TMPRSS15: variants seen among roughly 807,000 people sequenced by gnomAD.
The protein encoded by TMPRSS15 is transmembrane serine protease 15.
In TMPRSS15, 128 loss-of-function variants were observed where a neutral mutation model predicts 125.3. The observed-to-expected ratio is 1.02, with a 90% CI of 0.89 to 1.18. The LOEUF (loss-of-function observed/expected upper bound fraction) is 1.18. TMPRSS15 is among the 50% of genes most tolerant of loss of function. The pLI, the probability that TMPRSS15 is intolerant of heterozygous loss-of-function variation, is 0.00. For synonymous variants in TMPRSS15, 446 were observed against 423.2 expected (o/e 1.05, Z -0.66); for missense variants, 1,283 against 1,212.7 (o/e 1.06, Z -0.86).
intron 18 of TMPRSS15, among the ~76,000 whole-genome samples, chr21:18,305,259 G>C (rs577023298): frequency 1.5e-5 from 2 of 136,212 alleles, no homozygotes; most frequent in South Asian, 4.5e-4. Context: ...CGCGATCTCG[G>C]CTCACTGCAA....
intron 15 of TMPRSS15, 125 bp downstream of exon 15, chr21:18,329,044 C>G: frequency 9.3e-7 from 1 of 1,080,456 alleles, no homozygotes; most frequent in South Asian, 1.3e-5. Context: ...ACTCATGTCA[C>G]TTTACTATTG....
chr21:18,365,664 T>TTCCTTCCTTCCCTCCC (rs2075726946), intron 6 of TMPRSS15, among the ~76,000 whole-genome samples: 1 of 129,420 alleles, frequency 7.7e-6, no homozygotes, highest in African/African-American at 3.1e-5. Flanking sequence ...CCTTCCTTCC[T>TTCCTTCCTTCCCTCCC]TCCTTCCTTC....
intron 21 of TMPRSS15, among the ~76,000 whole-genome samples, chr21:18,291,087 C>G (rs1601281793): frequency 6.6e-6 from 1 of 152,216 alleles, no homozygotes; most frequent in African/African-American, 2.4e-5. Flanking sequence ...CATTTTATTG[C>G]ACATTCTTGC....
intron 18 of TMPRSS15, among the ~76,000 whole-genome samples, chr21:18,301,820 T>G (rs2074976530): frequency 6.6e-6 from 1 of 152,190 alleles, no homozygotes; most frequent in Non-Finnish European, 1.5e-5. Context: ...ATAGGTTATA[T>G]AACCTCAAAG....
chr21:18,452,476 C>A (rs984126832), intron 1 of TMPRSS15, among the ~76,000 whole-genome samples: 6 of 152,120 alleles, frequency 3.9e-5, no homozygotes, highest in Non-Finnish European at 5.9e-5. Flanking sequence ...CCAGCCTACG[C>A]AACATGGCGA....
chr21:18,365,663 C>CTTCCTTCCTTCCT (rs1555904802), intron 6 of TMPRSS15, among the ~76,000 whole-genome samples: 2 of 118,716 alleles, frequency 1.7e-5, no homozygotes, highest in Non-Finnish European at 3.4e-5. Context: ...TCCTTCCTTC[C>CTTCCTTCCTTCCT]TTCCTTCCTT....
chr21:18,422,033 G>GA (rs1424599616), intron 1 of TMPRSS15, among the ~76,000 whole-genome samples: 1 of 150,608 alleles, frequency 6.6e-6, no homozygotes, highest in Non-Finnish European at 1.5e-5. Flanking sequence ...ACCCAGGCTG[G>GA]AGTGCAGTGG....
At chr21:18,384,959 C>T (rs2075929696) in intron 3 of TMPRSS15, among the ~76,000 whole-genome samples, 1 of 152,110 alleles carries the variant, frequency 6.6e-6, no homozygotes, top group South Asian at 2.1e-4. Context: ...TGAAAGATCA[C>T]AGTAGATCAG....
At position 18,399,992 on chromosome 21, in the gene TMPRSS15, A is replaced by G. The variant is rs149387714; in HGVS notation, c.146-1663T>C. Among the ~76,000 whole-genome samples the G allele has an allele frequency of 7.3e-3, 1,115 of 152,226 alleles. 4 individuals carry two copies. Among genetic ancestry groups the G allele is most frequent in the Non-Finnish European group, 0.01 (705 of 67,964 alleles). On this transcript the variant is annotated intron_variant, in intron 1 of 24. Coordinates refer to ENST00000284885, the MANE Select transcript of TMPRSS15 (RefSeq NM_002772.3). ...ATCCCATTGTCAATAGCCATACAAAAGATAAAATACTTAGGAATATCTCTC... is the reference window on the plus strand; with the variant it reads ...ATCCCATTGTCAATAGCCATACAAAGGATAAAATACTTAGGAATATCTCTC...
intron 8 of TMPRSS15, among the ~76,000 whole-genome samples, chr21:18,359,548 G>A (rs1346045535): frequency 6.8e-6 from 1 of 146,240 alleles, no homozygotes; most frequent in Non-Finnish European, 1.5e-5. Flanking sequence ...AATTAGGAGA[G>A]GACAATGTTA....
At chr21:18,335,524 C>A (rs563833075) in intron 13 of TMPRSS15, among the ~76,000 whole-genome samples, 2 of 152,320 alleles carry the variant, frequency 1.3e-5, no homozygotes, top group South Asian at 4.1e-4. Context: ...TCAAGGCAGG[C>A]AGTTTACTTA....
intron 1 of TMPRSS15, among the ~76,000 whole-genome samples, chr21:18,463,608 A>T (rs1274117698): frequency 6.6e-6 from 1 of 152,160 alleles, no homozygotes; most frequent in African/African-American, 2.4e-5. Flanking sequence ...CCTAATAGAC[A>T]TCTACAGAAC....
chr21:18,311,965 TA>T (rs930673506), intron 18 of TMPRSS15, among the ~76,000 whole-genome samples: 5 of 152,180 alleles, frequency 3.3e-5, no homozygotes, highest in African/African-American at 9.6e-5. Flanking sequence ...CACTGCTTTT[TA>T]AAGACAAGGA....
chr21:18,324,944 T>C (rs2075274364), intron 16 of TMPRSS15, among the ~76,000 whole-genome samples: 1 of 152,166 alleles, frequency 6.6e-6, no homozygotes, highest in Non-Finnish European at 1.5e-5. Context: ...ATGGTTATAG[T>C]ATAATCATCA....
chr21:18,478,681 T>C (rs1325243008), intron 1 of TMPRSS15, among the ~76,000 whole-genome samples: 1 of 151,980 alleles, frequency 6.6e-6, no homozygotes, highest in Non-Finnish European at 1.5e-5. Flanking sequence ...GCTTGTTTCC[T>C]TGTCATCAGA....
chr21:18,397,281 A>AT (rs1036627618), intron 3 of TMPRSS15, among the ~76,000 whole-genome samples: 12 of 151,856 alleles, frequency 7.9e-5, no homozygotes, highest in East Asian at 3.8e-4. Flanking sequence ...ACACAGGTCA[A>AT]TTTTTTTTGT....
In TMPRSS15 at chr21:18,300,487, G is replaced by A. The variant is rs566095790; in HGVS notation, c.2166-2658C>T. Among the ~76,000 whole-genome samples the A allele has an allele frequency of 7.2e-5, 11 of 151,816 alleles. No homozygotes were observed. In the East Asian group the frequency reaches 7.8e-4, roughly 11 times the overall value. Reference sequence around the variant, plus strand: ...CTCCCGAGTATCTGGGACTATAGGCGTGTGCCACCACACCTGGCTAATTTT... The same window carrying A: ...CTCCCGAGTATCTGGGACTATAGGCATGTGCCACCACACCTGGCTAATTTT... On this transcript the variant is annotated intron_variant, in intron 18 of 24. Transcript: ENST00000284885.
chr21:18,359,612 TATA>T (rs2075659515), intron 8 of TMPRSS15, 142 bp downstream of exon 8: 1 of 503,800 alleles, frequency 2.0e-6, no homozygotes, highest in African/African-American at 1.9e-5. Flanking sequence ...TTCTAATTTT[TATA>T]ATGAGAAGCA....
intron 24 of TMPRSS15, among the ~76,000 whole-genome samples, chr21:18,270,877 TATTA>T (rs1020939099): frequency 2.0e-5 from 3 of 152,236 alleles, no homozygotes; most frequent in Admixed American, 1.3e-4. Context: ...ATTTTTCCTG[TATTA>T]ATTGGGCAAA....
Sources: gnomAD v4.1 joint callset for allele counts (sites outside exome capture counted in the v4.1 genomes callset) on GRCh38, gnomAD v4.1.1 for gene constraint, MANE v1.5 for transcripts, NCBI Gene and HGNC (gene_info 2026-07-23, HGNC 2026-07-21) for gene names.